Variants in CCSER2 observed in about 807,000 individuals in gnomAD.
CCSER2 encodes coiled-coil serine rich protein 2.
CCSER2 carries 46 observed loss-of-function variants against 92.3 expected under a neutral mutation model. That is an observed-to-expected ratio of 0.50 (90% confidence interval 0.39 to 0.64). CCSER2 has a LOEUF of 0.64. CCSER2 is among the 30% of genes least tolerant of loss of function. CCSER2 has a pLI of 0.00. For synonymous variants in CCSER2, 433 were observed against 431.4 expected, an observed-to-expected ratio of 1.00 and a Z score of -0.04; for missense variants, 1,244 against 1,238.9, an observed-to-expected ratio of 1.00 and a Z score of -0.06.
intron 4 of CCSER2, among the ~76,000 whole-genome samples, chr10:84,425,474 G>GT (rs1235265453): frequency 5.3e-5 from 8 of 152,132 alleles, no homozygotes; most frequent in Non-Finnish European, 1.0e-4. Context: ...TTTTAAAACA[G>GT]TGTGGCAGTT....
chr10:84,431,381 T>C (rs148634692), intron 5 of CCSER2, among the ~76,000 whole-genome samples: 47 of 152,278 alleles, frequency 3.1e-4, no homozygotes, highest in African/African-American at 1.1e-3. Flanking sequence ...TCTTTTCAGA[T>C]TGGCTTCTTT....
chr10:84,473,254 T>G (rs1416102281), intron 8 of CCSER2: 1 of 152,164 alleles, frequency 6.6e-6, no homozygotes, highest in Non-Finnish European at 1.5e-5. Flanking sequence ...AGTTTTCCTG[T>G]GGATTGCTTG....
At chr10:84,413,134 G>C (rs1321496747) in intron 3 of CCSER2, among the ~76,000 whole-genome samples, 1 of 126,046 alleles carries the variant, frequency 7.9e-6, no homozygotes, top group Admixed American at 8.4e-5. Context: ...AAGGATTTCT[G>C]TGTCTCCATC....
At chr10:84,512,416 G>GAGAGAGAGAGAGGGGGAGGAGA (rs1462155372) in intron 9 of CCSER2, among the ~76,000 whole-genome samples, 1 of 112,144 alleles carries the variant, frequency 8.9e-6, no homozygotes, top group Non-Finnish European at 2.1e-5. Context: ...GAGAGAGAGA[G>GAGAGAGAGAGAGGGGGAGGAGA]GAGAGAGATA....
At chr10:84,446,699 TAAG>T (rs1270151402) in intron 6 of CCSER2, among the ~76,000 whole-genome samples, 2 of 152,200 alleles carry the variant, frequency 1.3e-5, no homozygotes, top group African/African-American at 4.8e-5. Context: ...GATTAAGAAA[TAAG>T]ACATTAATAA....
At chr10:84,381,722 G>A (rs1269802731) in intron 3 of CCSER2, among the ~76,000 whole-genome samples, 1 of 152,042 alleles carries the variant, frequency 6.6e-6, no homozygotes, top group Non-Finnish European at 1.5e-5. Context: ...GAGGTCAGGA[G>A]TTCAAGACCA....
intron 8 of CCSER2, among the ~76,000 whole-genome samples, chr10:84,475,721 G>A (rs987904233): frequency 5.9e-5 from 9 of 152,240 alleles, no homozygotes; most frequent in Admixed American, 2.6e-4. Flanking sequence ...TTTTCGTTAC[G>A]ATAGTGTTTT....
intron 1 of CCSER2, among the ~76,000 whole-genome samples, chr10:84,370,648 T>C (rs911130530): frequency 6.6e-6 from 1 of 152,122 alleles, no homozygotes; most frequent in Admixed American, 6.6e-5. Context: ...GCTTTCCATA[T>C]GTTCTTATTT....
At chr10:84,424,949 G>GT in intron 4 of CCSER2, 2 of 982,012 alleles carry the variant, frequency 2.0e-6, no homozygotes, top group East Asian at 2.3e-4. Context: ...AGTGCCTTGG[G>GT]TACAACTATG....
At chr10:84,495,175 GTTT>G (rs34336622) in intron 9 of CCSER2, among the ~76,000 whole-genome samples, 1 of 140,334 alleles carries the variant, frequency 7.1e-6, no homozygotes, top group African/African-American at 2.6e-5. Context: ...GTTTGATATG[GTTT>G]TTTTTTTTTT....
At chr10:84,392,434 A>G in intron 3 of CCSER2, among the ~76,000 whole-genome samples, 1 of 152,076 alleles carries the variant, frequency 6.6e-6, no homozygotes, top group South Asian at 2.1e-4. Context: ...TAGGGACAAG[A>G]AAGAGGAACA....
chr10:84,339,188 C>A (rs1341875199), intron 1 of CCSER2, among the ~76,000 whole-genome samples: 1 of 151,112 alleles, frequency 6.6e-6, no homozygotes, highest in Non-Finnish European at 1.5e-5. Context: ...TGGAGTGCTC[C>A]CTAGGGTGTC....
intron 3 of CCSER2, among the ~76,000 whole-genome samples, chr10:84,384,160 G>A (rs560970971): frequency 6.6e-6 from 1 of 152,088 alleles, no homozygotes; most frequent in African/African-American, 2.4e-5. Flanking sequence ...AAAAGCCCAG[G>A]ACTGGACAGA....
At chr10:84,486,940 C>T (rs1419640148) in intron 9 of CCSER2, among the ~76,000 whole-genome samples, 2 of 152,186 alleles carry the variant, frequency 1.3e-5, no homozygotes, top group Non-Finnish European at 2.9e-5. Flanking sequence ...AGGAAGGGAT[C>T]CAGTTTCAGC....
chr10:84,408,588 T>G (rs909473320), intron 3 of CCSER2, among the ~76,000 whole-genome samples: 5 of 152,204 alleles, frequency 3.3e-5, no homozygotes, highest in African/African-American at 1.2e-4. Flanking sequence ...AGGCTGTATT[T>G]TTTAACCATT....
chr10:84,438,587 G>C lies in CCSER2; in HGVS notation c.1944G>C (p.Lys648Asn). 3.7e-6 allele frequency: 6 copies of C among 1,613,346 alleles called. No individual in the cohort carries two copies. The highest frequency in any genetic ancestry group is 5.1e-6 in the Non-Finnish European group (6 of 1,179,338). ...GGATGCCCTTTTTCCAGGCTCAGAA[G>C]ATGTTTGTTGATGTACCAGAAAATA... ...YGGMPFFQAQ[K>N]MFVDVPENTV... Residue 648 changes from lysine to asparagine, a missense_variant, in exon 6 of 10, where the codon AAG becomes AAC. By Grantham distance (94) the Lys-to-Asn change is moderately conservative (BLOSUM62 0). Transcript: ENST00000372088.
chr10:84,348,077 G>A (rs1441671586), intron 1 of CCSER2, among the ~76,000 whole-genome samples: 16 of 152,206 alleles, frequency 1.1e-4, no homozygotes, highest in Admixed American at 1.0e-3. Flanking sequence ...CTGCAATCTC[G>A]GCACTTTGGG....
chr10:84,438,814 AT>A, intron 6 of CCSER2, 107 bp downstream of exon 6: 1 of 684,730 alleles, frequency 1.5e-6, no homozygotes. Flanking sequence ...GTCTTTTTAG[AT>A]TTCTGTAGAA....
At chr10:84,467,530 G>GA (rs1288987735) in intron 7 of CCSER2, among the ~76,000 whole-genome samples, 2 of 151,910 alleles carry the variant, frequency 1.3e-5, no homozygotes, top group Admixed American at 6.6e-5. Context: ...TTTATTTAAT[G>GA]AAAAAACTGA....
Sources: allele counts gnomAD v4.1 joint callset (sites outside exome capture counted in the v4.1 genomes callset), GRCh38; gene constraint gnomAD v4.1.1; transcripts MANE v1.5; gene names NCBI Gene and HGNC (gene_info 2026-07-23, HGNC 2026-07-21).